ZNF608: variants seen among roughly 807,000 people sequenced by gnomAD.
ZNF608 encodes the protein renal carcinoma antigen NY-REN-36.
ZNF608 carries 12 observed loss-of-function variants against 109.0 expected under a neutral mutation model. The observed-to-expected ratio is 0.11, with a 90% CI of 0.07 to 0.18. ZNF608 has a LOEUF of 0.18. Ranked by LOEUF, ZNF608 falls within the 10% of genes least tolerant of loss-of-function variation. The probability of loss-of-function intolerance (pLI) is 1.00; values close to 1 mark genes in which losing one functional copy is unlikely to be tolerated. For synonymous variants in ZNF608, 732 were observed against 717.4 expected (o/e 1.02, Z -0.33); for missense variants, 1,707 against 1,879.3 (o/e 0.91, Z 1.70).
At position 124,647,156 on chromosome 5, in the gene ZNF608, C is replaced by A; in HGVS notation, c.3228G>T (p.Gln1076His). Residue 1076 changes from glutamine to histidine, a missense_variant, in exon 5 of 10, where the codon CAG (glutamine) becomes CAT (histidine). By Grantham distance (24) the Gln-to-His change is conservative. Around this residue, in one of 7 missense-constraint regions of ZNF608, gnomAD observed 1,073 missense variants for 1,133.5 expected, o/e 0.95. Transcript: ENST00000513986. ...VITQRHPALA[Q>H]SLYYGQYAYG... ...ATGCATACTGGCCATAATAAAGTGA[C>A]TGAGCCAGGGCAGGATGTCTTTGTG... 1 of 1,614,198 alleles carries A rather than the reference C, an allele frequency of 6.2e-7. No homozygotes were observed. The highest frequency in any genetic ancestry group is 1.1e-5 in the South Asian group (1 of 91,088).
At chr5:124,699,496 A>C (rs1752966811) in intron 3 of ZNF608, among the ~76,000 whole-genome samples, 1 of 152,220 alleles carries the variant, frequency 6.6e-6, no homozygotes, top group African/African-American at 2.4e-5. Flanking sequence ...TAAAGCCAAA[A>C]AAGTAAATTT....
rs142526776 is a variant in ZNF608, at chr5:124,744,915, A to G, written c.75T>C (p.Asp25=). 6.8e-6 allele frequency: 11 copies of G among 1,614,002 alleles called. No individual in the cohort carries two copies. The highest frequency in any genetic ancestry group is 2.7e-5 in the African/African-American group (2 of 74,886). ...TTAAATTTCCAACCCCGATTTCCCAATCATCGCCACTGTCATAAGTATCAA... is the reference window on the plus strand; with the variant it reads ...TTAAATTTCCAACCCCGATTTCCCAGTCATCGCCACTGTCATAAGTATCAA... ...NTVDTYDSGD[D]WEIGVGNLII... The change falls in exon 2 of 10, where the codon GAT becomes GAC. Residue 25 remains aspartate, a synonymous_variant. Transcript: ENST00000513986. This position sits in a 1 kb window ranked among gnomAD's most constrained non-coding sequence, Gnocchi z 4.5.
intron 2 of ZNF608, among the ~76,000 whole-genome samples, chr5:124,716,879 T>G (rs1369667977): frequency 6.6e-6 from 1 of 151,810 alleles, no homozygotes; most frequent in Non-Finnish European, 1.5e-5. Context: ...GGTCGGGAGT[T>G]GGAGACCAGC....
In ZNF608 at chr5:124,701,252, T is replaced by C; in HGVS notation, c.924A>G (p.Thr308=). ...LKTEKVDPLF[T]VPAPPPPISS... ...AAATCGGCGGTGGTGGCGCTGGCAC[T>C]GTAAACAGGGGGTCAACCTGAAAGA... Residue 308 remains threonine (T), a synonymous_variant, in exon 3 of 10, where the codon ACA becomes ACG. Transcript: ENST00000513986. 1.2e-6 allele frequency: 2 copies of C among 1,614,118 alleles called. No homozygotes were observed. The highest frequency in any genetic ancestry group is 1.7e-6 in the Non-Finnish European group (2 of 1,179,990).
intron 3 of ZNF608, among the ~76,000 whole-genome samples, chr5:124,656,830 ACACAC>A (rs1751032689): frequency 6.6e-6 from 1 of 150,872 alleles, no homozygotes; most frequent in Non-Finnish European, 1.5e-5. Context: ...ACACACACAC[ACACAC>A]ACACACACAC....
intron 3 of ZNF608, among the ~76,000 whole-genome samples, chr5:124,671,690 G>A (rs575589622): frequency 1.3e-5 from 2 of 148,476 alleles, no homozygotes; most frequent in East Asian, 3.9e-4. Flanking sequence ...GAGTGCAGTG[G>A]CAGGATGACA....
chr5:124,733,044 A>G (rs937698427), intron 2 of ZNF608, among the ~76,000 whole-genome samples: 4 of 151,758 alleles, frequency 2.6e-5, no homozygotes, highest in Non-Finnish European at 5.9e-5. Flanking sequence ...AAAAAAAAAA[A>G]GGGTAAAAAC....
Position 124,725,049 on chromosome 5 carries a change from C to T in ZNF608, c.906+19035G>A, listed in dbSNP as rs543516996. 6.6e-5 allele frequency among the ~76,000 whole-genome samples: 10 copies of T among 152,170 alleles called. No homozygotes were observed. The East Asian group carries it at 1.2e-3, about 18-fold the overall frequency. On this transcript the variant is annotated intron_variant, in intron 2 of 9. Transcript: ENST00000513986. ...TCTCTCCCTCATCCAGCTTCAGTCA[C>T]TCTGGTGTCTCCTCAAACACACCAA...
At chr5:124,681,298 C>G (rs960088717) in intron 3 of ZNF608, among the ~76,000 whole-genome samples, 25 of 151,630 alleles carry the variant, frequency 1.6e-4, no homozygotes, top group African/African-American at 6.0e-4. Context: ...AATAAAAATA[C>G]AAAAAAAAGT....
At chr5:124,690,971 C>CA (rs1226591116) in intron 3 of ZNF608, among the ~76,000 whole-genome samples, 1 of 136,578 alleles carries the variant, frequency 7.3e-6, no homozygotes, top group Non-Finnish European at 1.6e-5. Context: ...GAAAAGTGTG[C>CA]AAAATTTTTT....
chr5:124,678,909 AAAG>A (rs1464631405), intron 3 of ZNF608, among the ~76,000 whole-genome samples: 1 of 152,142 alleles, frequency 6.6e-6, no homozygotes, highest in Non-Finnish European at 1.5e-5. Flanking sequence ...CTGTCTGCAA[AAAG>A]AAGAATTTGG....
intron 7 of ZNF608, among the ~76,000 whole-genome samples, chr5:124,641,892 A>G (rs970687715): frequency 1.5e-4 from 23 of 152,206 alleles, no homozygotes; most frequent in African/African-American, 5.3e-4. Flanking sequence ...AAAGCACAAG[A>G]AATCACTGTC....
At chr5:124,679,187 T>C (rs927263110) in intron 3 of ZNF608, among the ~76,000 whole-genome samples, 2 of 152,232 alleles carry the variant, frequency 1.3e-5, no homozygotes, top group Non-Finnish European at 2.9e-5. Flanking sequence ...GTTTACTGCC[T>C]GTCACCTATT....
At chr5:124,700,493 C>G (rs1237521673) in intron 3 of ZNF608, among the ~76,000 whole-genome samples, 2 of 152,204 alleles carry the variant, frequency 1.3e-5, no homozygotes, top group African/African-American at 4.8e-5. Context: ...AGAGAAGTGA[C>G]CGGCTTACTA....
At chr5:124,640,387 G>A (rs1270145481) in intron 8 of ZNF608, among the ~76,000 whole-genome samples, 2 of 152,106 alleles carry the variant, frequency 1.3e-5, no homozygotes, top group African/African-American at 2.4e-5. Flanking sequence ...GAAAGCACAC[G>A]AGGGCTCCCC....
At chr5:124,659,135 A>C (rs766984181) in intron 3 of ZNF608, among the ~76,000 whole-genome samples, 2 of 141,016 alleles carry the variant, frequency 1.4e-5, no homozygotes, top group African/African-American at 2.8e-5. Flanking sequence ...CCTTTCCTGC[A>C]CTTAATATTA....
chr5:124,732,053 T>C (rs918638207), intron 2 of ZNF608, among the ~76,000 whole-genome samples: 17 of 152,000 alleles, frequency 1.1e-4, no homozygotes, highest in African/African-American at 3.6e-4. Flanking sequence ...TCAGAAGAAA[T>C]AGATCTATAA....
At chr5:124,671,271 C>A (rs1262146624) in intron 3 of ZNF608, among the ~76,000 whole-genome samples, 1 of 152,132 alleles carries the variant, frequency 6.6e-6, no homozygotes, top group African/African-American at 2.4e-5. Context: ...AATAGAGACA[C>A]ACAATATAAA....
At chr5:124,697,240 A>G (rs1752886409) in intron 3 of ZNF608, among the ~76,000 whole-genome samples, 1 of 140,212 alleles carries the variant, frequency 7.1e-6, no homozygotes, top group African/African-American at 2.6e-5. Context: ...AAAAAAAAAA[A>G]GCCAATAAGA....
Sources: allele counts gnomAD v4.1 joint callset (sites outside exome capture counted in the v4.1 genomes callset), GRCh38; gene constraint gnomAD v4.1.1; regional missense constraint gnomAD v4.1.1; non-coding constraint Gnocchi (gnomAD v3.1); transcripts MANE v1.5; gene names NCBI Gene and HGNC (gene_info 2026-07-23, HGNC 2026-07-21).